Variants in ESR1 observed in about 807,000 individuals in gnomAD.
The protein encoded by ESR1 is estrogen receptor 1.
A neutral mutation model predicts 52.7 loss-of-function variants in ESR1; 12 were observed. The ratio of observed to expected loss-of-function variants is 0.23; its 90% CI spans 0.15 to 0.37. The LOEUF is 0.37. Ranked by LOEUF, ESR1 falls within the 10% of genes least tolerant of loss-of-function variation. The probability of loss-of-function intolerance (pLI) is 1.00; values close to 1 mark genes in which losing one functional copy is unlikely to be tolerated. For synonymous variants in ESR1, 305 were observed against 316.8 expected, an observed-to-expected ratio of 0.96 and a Z score of 0.39; for missense variants, 584 against 779.7, an observed-to-expected ratio of 0.75 and a Z score of 2.99.
chr6:151,847,622 T>C (rs1562470902), intron 2 of ESR1, among the ~76,000 whole-genome samples: 1 of 135,852 alleles, frequency 7.4e-6, no homozygotes, highest in Non-Finnish European at 1.6e-5. Context: ...TTGAGTTCAT[T>C]GTAGATTCTG....
At chr6:151,707,492 A>G (rs1162964034) in intron 2 of ESR1, among the ~76,000 whole-genome samples, 1 of 152,058 alleles carries the variant, frequency 6.6e-6, no homozygotes, top group Admixed American at 6.6e-5. Flanking sequence ...ATATGTATAT[A>G]TAAAATACAT....
At chr6:151,835,993 C>A (rs1583562202) in intron 1 of ESR1, among the ~76,000 whole-genome samples, 1 of 152,064 alleles carries the variant, frequency 6.6e-6, no homozygotes, top group East Asian at 1.9e-4. Context: ...GAACGTTGTA[C>A]TTTATGACAG....
intron 3 of ESR1, among the ~76,000 whole-genome samples, chr6:151,921,362 C>CT (rs1387435618): frequency 2.6e-5 from 4 of 152,138 alleles, no homozygotes; most frequent in Admixed American, 2.0e-4. Context: ...GATTCCATGC[C>CT]TTTACTATTG....
chr6:152,083,446 C>T (rs896029057), intron 6 of ESR1, among the ~76,000 whole-genome samples: 1 of 152,192 alleles, frequency 6.6e-6, no homozygotes, highest in African/African-American at 2.4e-5. Context: ...CTTCCTTACA[C>T]TGTATACAAA....
chr6:151,853,723 T>C (rs967245767), intron 2 of ESR1, among the ~76,000 whole-genome samples: 1 of 152,218 alleles, frequency 6.6e-6, no homozygotes, highest in Non-Finnish European at 1.5e-5. Flanking sequence ...TTTTTTCTGC[T>C]ACCACTTCAA....
intron 5 of ESR1, among the ~76,000 whole-genome samples, chr6:152,056,194 A>T (rs2047086746): frequency 6.6e-6 from 1 of 152,214 alleles, no homozygotes; most frequent in Admixed American, 6.5e-5. Context: ...AAACCTCTTG[A>T]TCATATAAAT....
chr6:151,947,089 G>T (rs2035785300), intron 4 of ESR1, among the ~76,000 whole-genome samples: 2 of 152,170 alleles, frequency 1.3e-5, no homozygotes, highest in Non-Finnish European at 1.5e-5. Flanking sequence ...AGGCCGAGGC[G>T]GGTGGATCAC....
At chr6:152,084,957 A>G (rs1162303598) in intron 6 of ESR1, among the ~76,000 whole-genome samples, 2 of 152,230 alleles carry the variant, frequency 1.3e-5, no homozygotes, top group Non-Finnish European at 2.9e-5. Flanking sequence ...TATAGCTGAT[A>G]GGATGCACTG....
intron 6 of ESR1, among the ~76,000 whole-genome samples, chr6:152,120,663 G>C (rs1407372033): frequency 6.6e-6 from 1 of 152,138 alleles, no homozygotes; most frequent in Non-Finnish European, 1.5e-5. Flanking sequence ...GTGCTTTTCA[G>C]CAGTTAGGAG....
chr6:151,664,611 T>A (rs1356206428), intron 1 of ESR1, among the ~76,000 whole-genome samples: 1 of 152,208 alleles, frequency 6.6e-6, no homozygotes, highest in Non-Finnish European at 1.5e-5. Context: ...AACACGTTGA[T>A]ACACACAGCA....
intron 4 of ESR1, among the ~76,000 whole-genome samples, chr6:151,994,643 T>C (rs560602211): frequency 4.6e-5 from 7 of 152,182 alleles, no homozygotes; most frequent in Non-Finnish European, 1.0e-4. Context: ...AAAATGAGTC[T>C]CTTCATCAAA....
At chr6:151,706,329 TC>T (rs933797464) in intron 2 of ESR1, among the ~76,000 whole-genome samples, 6 of 152,216 alleles carry the variant, frequency 3.9e-5, no homozygotes, top group Non-Finnish European at 8.8e-5. Flanking sequence ...ACCCATTTCT[TC>T]AACTGACTTT....
intron 5 of ESR1, among the ~76,000 whole-genome samples, 154 bp downstream of exon 5, chr6:152,011,948 T>G (rs1244488383): frequency 6.6e-6 from 1 of 151,016 alleles, no homozygotes; most frequent in Non-Finnish European, 1.5e-5. Flanking sequence ...TGAAGCCTAG[T>G]CAAATTCACA....
chr6:151,932,072 G>A (rs1221791427), intron 3 of ESR1, among the ~76,000 whole-genome samples: 2 of 149,354 alleles, frequency 1.3e-5, no homozygotes, highest in Non-Finnish European at 3.0e-5. Context: ...CCCACCAACA[G>A]TGTAAAAGTC....
intron 4 of ESR1, among the ~76,000 whole-genome samples, chr6:151,966,732 G>GA (rs960390445): frequency 6.6e-6 from 1 of 152,006 alleles, no homozygotes. Flanking sequence ...CTTTTGTCCT[G>GA]AAACTTTTTA....
At chr6:151,710,932 T>G (rs1379702854) in intron 2 of ESR1, among the ~76,000 whole-genome samples, 1 of 152,228 alleles carries the variant, frequency 6.6e-6, no homozygotes, top group Non-Finnish European at 1.5e-5. Flanking sequence ...TGCCACATTT[T>G]CTTAATCCAG....
In ESR1 at chr6:151,911,469, C is replaced by T. The variant is rs528418978; in HGVS notation, c.760+30698C>T. Among the ~76,000 whole-genome samples the T allele has an allele frequency of 1.2e-4, 19 of 152,244 alleles. 1 individual carries two copies. In the South Asian group the frequency reaches 3.5e-3, roughly 28 times the overall value. ...TTCTGTTTTATTCTCAATGAGTCTT[C>T]CTGTTTCTCCCCACGTCTTTCCTAT... is the stretch of plus-strand genomic sequence containing the variant. On this transcript the variant is annotated intron_variant, in intron 3 of 7. Transcript: ENST00000206249.
chr6:151,742,141 A>G (rs1783144309), intron 2 of ESR1, among the ~76,000 whole-genome samples: 1 of 152,110 alleles, frequency 6.6e-6, no homozygotes, highest in South Asian at 2.1e-4. Context: ...ATAATATTCC[A>G]TTTGTCCATT....
chr6:151,674,646 CA>C, intron 1 of ESR1, among the ~76,000 whole-genome samples: 1 of 152,354 alleles, frequency 6.6e-6, no homozygotes, highest in East Asian at 1.9e-4. Context: ...CTCCCACCAA[CA>C]GTATAAAAGT....
Sources: gnomAD v4.1 joint callset for allele counts (sites outside exome capture counted in the v4.1 genomes callset) on GRCh38, gnomAD v4.1.1 for gene constraint, MANE v1.5 for transcripts, NCBI Gene and HGNC (gene_info 2026-07-23, HGNC 2026-07-21) for gene names.